PTK2: variants seen among roughly 807,000 people sequenced by gnomAD.
The protein encoded by PTK2 is protein tyrosine kinase 2, also known as focal adhesion kinase 1.
Under a neutral mutation model 150.1 loss-of-function variants are expected in PTK2, and 45 were observed. The ratio of observed to expected loss-of-function variants is 0.30; its 90% CI spans 0.24 to 0.38. PTK2 has a LOEUF of 0.38. Among genes scored for constraint, PTK2 ranks in the 10% least tolerant of loss-of-function variants. The pLI is 1.00. For synonymous variants in PTK2, 432 were observed against 449.2 expected (o/e 0.96, Z 0.48); for missense variants, 919 against 1,307.3 (o/e 0.70, Z 4.58).
chr8:140,916,492 G>A (rs962965983), intron 2 of PTK2, among the ~76,000 whole-genome samples: 2 of 152,032 alleles, frequency 1.3e-5, no homozygotes, highest in African/African-American at 4.8e-5. Context: ...TTTCCTTCAG[G>A]TCTTCAATAA....
chr8:140,826,791 G>C (rs916469581), intron 8 of PTK2, among the ~76,000 whole-genome samples: 1 of 152,078 alleles, frequency 6.6e-6, no homozygotes, highest in African/African-American at 2.4e-5. Flanking sequence ...GGTGGTCCAT[G>C]CCTGTAATCC....
intron 8 of PTK2, chr8:140,822,001 T>C (rs2100108881): frequency 1.3e-5 from 2 of 152,228 alleles, no homozygotes; most frequent in Admixed American, 1.3e-4. Context: ...ATCACCTATG[T>C]AGGACAGACT....
At chr8:140,686,751 C>T (rs1249120289) in intron 26 of PTK2, 57 bp from the exon 30 acceptor site, 3 of 1,445,142 alleles carry the variant, frequency 2.1e-6, no homozygotes, top group African/African-American at 2.8e-5. Flanking sequence ...AAATTTTTGA[C>T]AGATTCTGTA....
At chr8:140,793,417 T>A (rs2100089767) in intron 12 of PTK2, 33 bp from the exon 13 acceptor site, 1 of 1,603,182 alleles carries the variant, frequency 6.2e-7, no homozygotes, top group African/African-American at 1.3e-5. Flanking sequence ...TGCATAAGGC[T>A]CTTTTCACTC....
At chr8:140,714,585 T>C (rs2154235272) in intron 23 of PTK2, among the ~76,000 whole-genome samples, 1 of 150,836 alleles carries the variant, frequency 6.6e-6, no homozygotes, top group South Asian at 2.1e-4. Flanking sequence ...TCACCTGAGA[T>C]CAGGAGTTTG....
chr8:140,847,412 T>C (rs746016063), intron 5 of PTK2, among the ~76,000 whole-genome samples: 6 of 152,236 alleles, frequency 3.9e-5, no homozygotes, highest in Non-Finnish European at 8.8e-5. Flanking sequence ...ATAAGAGTGA[T>C]ATCAATACGT....
intron 2 of PTK2, among the ~76,000 whole-genome samples, chr8:140,898,458 T>C (rs1601528616): frequency 6.6e-6 from 1 of 152,304 alleles, no homozygotes; most frequent in South Asian, 2.1e-4. Context: ...TGCTCAGCTG[T>C]CTACAACTTT....
intron 1 of PTK2, among the ~76,000 whole-genome samples, chr8:140,948,344 A>T (rs2100178382): frequency 6.6e-6 from 1 of 152,224 alleles, no homozygotes; most frequent in South Asian, 2.1e-4. Flanking sequence ...ACATAAAAGA[A>T]ATAACAAAAA....
intron 14 of PTK2, among the ~76,000 whole-genome samples, chr8:140,778,268 G>A (rs902876449): frequency 6.6e-6 from 1 of 152,212 alleles, no homozygotes; most frequent in African/African-American, 2.4e-5. Flanking sequence ...AGGAGTTTGA[G>A]ACCAGCTAAC....
At chr8:140,876,877 CCTTA>C (rs1327890173) in intron 4 of PTK2, among the ~76,000 whole-genome samples, 1 of 152,056 alleles carries the variant, frequency 6.6e-6, no homozygotes, top group African/African-American at 2.4e-5. Flanking sequence ...GTCTCCTTTT[CCTTA>C]CTGACACTTA....
At chr8:140,706,827 T>TA (rs1434590010) in intron 23 of PTK2, among the ~76,000 whole-genome samples, 1 of 152,176 alleles carries the variant, frequency 6.6e-6, no homozygotes, top group Non-Finnish European at 1.5e-5. Flanking sequence ...GCCGAGGAAT[T>TA]AGAGGCCAGC....
At chr8:140,955,803 C>G (rs1281462672) in intron 1 of PTK2, among the ~76,000 whole-genome samples, 1 of 152,198 alleles carries the variant, frequency 6.6e-6, no homozygotes, top group Admixed American at 6.5e-5. Flanking sequence ...AGGTTCAGAA[C>G]TGGCAGCACT....
At chr8:140,723,851 T>C (rs999590158) in intron 22 of PTK2, among the ~76,000 whole-genome samples, 1 of 152,210 alleles carries the variant, frequency 6.6e-6, no homozygotes, top group African/African-American at 2.4e-5. Context: ...GAGTACTTTA[T>C]TTAGTGTTAG....
chr8:140,955,351 A>G (rs1206946582), intron 1 of PTK2, among the ~76,000 whole-genome samples: 2 of 151,264 alleles, frequency 1.3e-5, no homozygotes, highest in East Asian at 3.9e-4. Context: ...CCCTGCACAC[A>G]CTCTCTCTTG....
chr8:140,879,291 A>T (rs1425863150), intron 4 of PTK2, 180 bp downstream of exon 4: 4 of 544,986 alleles, frequency 7.3e-6, no homozygotes, highest in African/African-American at 3.9e-5. Context: ...AATACCCAAA[A>T]GCTAGACTAG....
At chr8:140,858,776 A>C (rs1446641336) in intron 5 of PTK2, among the ~76,000 whole-genome samples, 1 of 152,252 alleles carries the variant, frequency 6.6e-6, no homozygotes, top group African/African-American at 2.4e-5. Context: ...AAACAATTAC[A>C]GAAGACACAT....
intron 20 of PTK2, among the ~76,000 whole-genome samples, chr8:140,742,172 T>C (rs539351394): frequency 8.5e-5 from 13 of 152,124 alleles, no homozygotes; most frequent in Non-Finnish European, 1.2e-4. Flanking sequence ...ACCAAACTAA[T>C]AGATCCAAGG....
At chr8:140,880,967 G>A (rs922352150) in intron 3 of PTK2, among the ~76,000 whole-genome samples, 2 of 152,118 alleles carry the variant, frequency 1.3e-5, no homozygotes, top group Non-Finnish European at 1.5e-5. Flanking sequence ...ACCAAGCACA[G>A]GAAGTGGCAG....
chr8:140,976,814 G>T (rs977949493), intron 1 of PTK2, among the ~76,000 whole-genome samples: 1 of 152,106 alleles, frequency 6.6e-6, no homozygotes, highest in Non-Finnish European at 1.5e-5. Flanking sequence ...GAGTTTAAGT[G>T]GCTAGGTACC....
Sources: allele counts gnomAD v4.1 joint callset (sites outside exome capture counted in the v4.1 genomes callset), GRCh38; gene constraint gnomAD v4.1.1; transcripts MANE v1.5; gene names NCBI Gene and HGNC (gene_info 2026-07-23, HGNC 2026-07-21).